Variants in PODXL observed in about 807,000 individuals in gnomAD.
PODXL encodes podocalyxin like.
A neutral mutation model predicts 48.9 loss-of-function variants in PODXL; 20 were observed. That is an observed-to-expected ratio of 0.41 (90% CI 0.29 to 0.59). PODXL has a LOEUF of 0.59. Ranked by LOEUF, PODXL falls within the 20% of genes least tolerant of loss-of-function variation. The pLI is 0.31. For missense variants in PODXL, 606 were observed against 675.1 expected (o/e 0.90, Z 1.13); for synonymous variants, 295 against 287.4 (o/e 1.03, Z -0.27).
At chr7:131,512,917 C>T (rs11769808) in intron 1 of PODXL, among the ~76,000 whole-genome samples, 29,392 of 150,208 alleles carry the variant, frequency 0.2, 3,406 homozygotes, top group Admixed American at 0.34. Context: ...ACGGCTTGAA[C>T]CCGGGAGGCA....
chr7:131,548,786 G>A (rs2116867653), intron 1 of PODXL, among the ~76,000 whole-genome samples: 1 of 151,966 alleles, frequency 6.6e-6, no homozygotes, highest in Admixed American at 6.6e-5. Flanking sequence ...GCCCCCTCCT[G>A]CTTCCTACCA....
At chr7:131,518,535 T>C (rs1218752084) in intron 1 of PODXL, among the ~76,000 whole-genome samples, 1 of 152,018 alleles carries the variant, frequency 6.6e-6, no homozygotes, top group African/African-American at 2.4e-5. Context: ...CCGTAAGAGG[T>C]CTTTCCATTT....
At position 131,506,715 on chromosome 7, in the gene PODXL, AGCGCCCCCT is replaced by A. The variant is rs1271962644; in HGVS notation, c.1104_1112del (p.Gly369_Ala371del). ...TCAGTGAGATCAATTTCTCATCCGA[AGCGCCCCCT>A]GCCTATGGTGGGGAGAGCGCAGGTG... On this transcript the variant is annotated inframe_deletion and splice_region_variant, in exon 6 of 9. Coordinates refer to ENST00000378555, the MANE Select transcript of PODXL (RefSeq NM_001018111.3). 1 of 1,613,972 alleles carries A rather than the reference AGCGCCCCCT, an allele frequency of 6.2e-7. No individual in the cohort carries two copies. The highest frequency in any genetic ancestry group is 8.5e-7 in the Non-Finnish European group (1 of 1,180,004).
chr7:131,539,732 C>T (rs1007233352), intron 1 of PODXL, among the ~76,000 whole-genome samples: 1 of 152,218 alleles, frequency 6.6e-6, no homozygotes, highest in African/African-American at 2.4e-5. Flanking sequence ...TTGCCGACCC[C>T]CTGCTGTGAG....
At chr7:131,518,264 G>A (rs1482082653) in intron 1 of PODXL, among the ~76,000 whole-genome samples, 3 of 152,180 alleles carry the variant, frequency 2.0e-5, no homozygotes, top group South Asian at 4.1e-4. Context: ...AAAATACCAG[G>A]AGTCTTTCAA....
intron 5 of PODXL, among the ~76,000 whole-genome samples, chr7:131,508,012 G>C (rs942034236): frequency 3.3e-5 from 5 of 152,128 alleles, no homozygotes; most frequent in Non-Finnish European, 7.4e-5. Context: ...TAGTTCCTAG[G>C]GGGTGGCTGC....
At chr7:131,549,208 T>C (rs1016702596) in intron 1 of PODXL, among the ~76,000 whole-genome samples, 7 of 152,070 alleles carry the variant, frequency 4.6e-5, no homozygotes, top group Non-Finnish European at 1.0e-4. Context: ...TTTGAGAAAG[T>C]GGCATTCATG....
intron 1 of PODXL, among the ~76,000 whole-genome samples, chr7:131,521,337 A>ATTTTTT (rs71174956): frequency 6.8e-6 from 1 of 146,498 alleles, no homozygotes; most frequent in Non-Finnish European, 1.5e-5. Flanking sequence ...ATTAAGGTCA[A>ATTTTTT]TTTTTTTTTT....
intron 1 of PODXL, among the ~76,000 whole-genome samples, chr7:131,547,374 C>CAAAAAAAAA (rs10683140): frequency 1.2e-4 from 8 of 68,964 alleles, no homozygotes; most frequent in African/African-American, 1.3e-4. Flanking sequence ...AACTCCGTCT[C>CAAAAAAAAA]AAAAAAAAAA....
At chr7:131,530,450 T>C (rs1014138092) in intron 1 of PODXL, among the ~76,000 whole-genome samples, 1 of 152,070 alleles carries the variant, frequency 6.6e-6, no homozygotes, top group African/African-American at 2.4e-5. Flanking sequence ...TTGGGTGTTA[T>C]TAATCAGGTC....
intron 1 of PODXL, among the ~76,000 whole-genome samples, chr7:131,534,083 G>A (rs974031129): frequency 6.9e-6 from 1 of 145,350 alleles, no homozygotes; most frequent in Non-Finnish European, 1.5e-5. Context: ...GAGCCGCGCA[G>A]CCCACCTCCT....
In PODXL at chr7:131,506,814, A is replaced by G. The variant is rs188176592; in HGVS notation, c.1102-88T>C. The G allele has an allele frequency of 1.1e-4, 159 of 1,429,258 alleles. 2 individuals carry two copies. The African/African-American group carries it at 1.4e-3, about 13-fold the overall frequency. The allele number at this position is 1,429,258 out of a possible 1,614,324, so 88.5% of individuals were successfully genotyped here. ...CTGCCCTCCCAGCTAAGGTCGGGAC[A>G]GTGCTGTTGCTGTGCTAGAACCTGC... On this transcript the variant is annotated intron_variant, in intron 5 of 8. Transcript: ENST00000378555.
At chr7:131,530,072 G>A (rs749613002) in intron 1 of PODXL, among the ~76,000 whole-genome samples, 8 of 152,162 alleles carry the variant, frequency 5.3e-5, no homozygotes, top group Admixed American at 5.2e-4. Context: ...TTTCCAGGGG[G>A]TGCAGGGAGC....
chr7:131,502,146 A>C lies in PODXL; in HGVS notation c.*2165T>G, dbSNP rs901986178. 6.6e-6 allele frequency: 1 copy of C among 152,308 alleles called. No individual in the cohort carries two copies. The highest frequency in any genetic ancestry group is 1.5e-5 in the Non-Finnish European group (1 of 68,134). 9.4% of individuals were successfully genotyped at this position (152,308 alleles called of 1,614,324 possible). A position where few individuals can be genotyped will look rare whatever the true frequency, so the allele number is the denominator to read the frequency against. On this transcript the variant is annotated 3_prime_UTR_variant, in exon 9 of 9. Coordinates refer to ENST00000378555, the MANE Select transcript of PODXL (RefSeq NM_001018111.3). ...AGCCCTGGCTGGTGAAGTGTGACCC[A>C]GGATCAGCAAAGGAGGAATAATCCA...
At chr7:131,542,753 C>A (rs924511774) in intron 1 of PODXL, among the ~76,000 whole-genome samples, 1 of 152,172 alleles carries the variant, frequency 6.6e-6, no homozygotes, top group African/African-American at 2.4e-5. Flanking sequence ...GCATCCTCCG[C>A]CTTGGATTTC....
intron 1 of PODXL, among the ~76,000 whole-genome samples, chr7:131,532,447 A>AT (rs1166212063): frequency 1.4e-5 from 2 of 143,240 alleles, no homozygotes; most frequent in Non-Finnish European, 3.1e-5. Flanking sequence ...AAAAAAAAAA[A>AT]AAAATTAAAA....
rs756369962 is a variant in PODXL at position 131,500,411 on chromosome 7, G to A, written c.*3900C>T. Reference sequence around the variant, plus strand: ...TGTACTTCAGACCCCTGTCCACTAAGACATATATGATCCCCCAGTTCCTGG... The same window carrying A: ...TGTACTTCAGACCCCTGTCCACTAAAACATATATGATCCCCCAGTTCCTGG... On this transcript the variant is annotated 3_prime_UTR_variant, in exon 9 of 9. Transcript: ENST00000378555. 6.6e-6 allele frequency: 1 copy of A among 152,622 alleles called. No homozygotes were observed. The highest frequency in any genetic ancestry group is 1.5e-5 in the Non-Finnish European group (1 of 68,032). 9.5% of individuals were successfully genotyped at this position (152,622 alleles called of 1,614,324 possible).
chr7:131,508,449 GTCTTCC>G (rs1797847372), intron 5 of PODXL, among the ~76,000 whole-genome samples: 1 of 152,100 alleles, frequency 6.6e-6, no homozygotes, highest in African/African-American at 2.4e-5. Flanking sequence ...TAAAAACAGG[GTCTTCC>G]TATGTTTCCC....
rs778582960 is a variant in PODXL at position 131,504,455 on chromosome 7, T to C, written c.1533A>G (p.Pro511=). 9.9e-6 allele frequency: 16 copies of C among 1,614,216 alleles called. No individual in the cohort carries two copies. In the East Asian group the frequency reaches 3.6e-4, roughly 36 times the overall value. The stretch of plus-strand genomic sequence containing the variant: ...AAGAGGTCTCCATCACTTCCAGTGT[T>C]GGGTTGTCATGGTAACCATTCTCCA... The part of the protein sequence containing the change: ...QTVENGYHDN[P]TLEVMETSSE... Residue 511 remains proline (P), a synonymous_variant, in exon 9 of 9, where the codon CCA becomes CCG. Transcript: ENST00000378555.
Sources: allele counts gnomAD v4.1 joint callset (sites outside exome capture counted in the v4.1 genomes callset), GRCh38; gene constraint gnomAD v4.1.1; transcripts MANE v1.5; gene names NCBI Gene and HGNC (gene_info 2026-07-23, HGNC 2026-07-21).